Variants in TUSC3 observed in about 807,000 individuals in gnomAD.
The protein encoded by TUSC3 is tumor suppressor candidate 3.
TUSC3 carries 45 observed loss-of-function variants against 44.8 expected under a neutral mutation model. That is an observed-to-expected ratio of 1.00 (90% CI 0.79 to 1.29). The LOEUF (loss-of-function observed/expected upper bound fraction) is 1.29. TUSC3 is among the 50% of genes most tolerant of loss of function. The probability of loss-of-function intolerance (pLI) is 0.00; values close to 1 mark genes in which losing one functional copy is unlikely to be tolerated. For synonymous variants in TUSC3, 212 were observed against 152.9 expected (o/e 1.39, Z -2.85); for missense variants, 519 against 437.9 (o/e 1.19, Z -1.65).
rs113970020 is a variant in TUSC3, at chr8:15,420,354, C to T, written n.91+3049C>T. 2.1e-3 allele frequency among the ~76,000 whole-genome samples: 318 copies of T among 152,084 alleles called. 3 individuals are homozygous for T. The highest frequency in any genetic ancestry group is 7.3e-3 in the African/African-American group (303 of 41,478). The stretch of plus-strand genomic sequence containing the variant: ...TCTACTAAAAATAAAAAAAAATTAG[C>T]CGGGCATGGTGGCAGGCACCTGTAG... On this transcript the variant is annotated intron_variant and non_coding_transcript_variant, in intron 1 of 5. Transcript: ENST00000503191.
intron 1 of TUSC3, among the ~76,000 whole-genome samples, chr8:15,570,859 G>A (rs562939362): frequency 6.6e-6 from 1 of 151,226 alleles, no homozygotes; most frequent in African/African-American, 2.4e-5. Flanking sequence ...ATGTGGAAGT[G>A]CAGCATGAAG....
chr8:15,573,230 A>ATATG (rs1491232177), intron 1 of TUSC3, among the ~76,000 whole-genome samples: 1 of 106,134 alleles, frequency 9.4e-6, no homozygotes, highest in Non-Finnish European at 1.9e-5. Flanking sequence ...ATATATATAT[A>ATATG]AAAGTTTTTT....
chr8:15,451,311 A>G (rs1174657660), intron 1 of TUSC3, among the ~76,000 whole-genome samples: 1 of 152,066 alleles, frequency 6.6e-6, no homozygotes, highest in African/African-American at 2.4e-5. Flanking sequence ...TATGCTAATG[A>G]GGTGATTGTG....
At chr8:15,654,520 C>T (rs1242370445) in intron 3 of TUSC3, among the ~76,000 whole-genome samples, 1 of 152,104 alleles carries the variant, frequency 6.6e-6, no homozygotes, top group Non-Finnish European at 1.5e-5. Context: ...GATGTTTACA[C>T]TGCATTGCAG....
chr8:15,437,701 G>T (rs1799966936), intron 1 of TUSC3, among the ~76,000 whole-genome samples: 1 of 152,190 alleles, frequency 6.6e-6, no homozygotes, highest in Non-Finnish European at 1.5e-5. Context: ...ACTTGGCCCT[G>T]TATCCTTCCA....
At chr8:15,578,852 C>G (rs1391831279) in intron 1 of TUSC3, among the ~76,000 whole-genome samples, 5 of 151,922 alleles carry the variant, frequency 3.3e-5, no homozygotes, top group Non-Finnish European at 7.4e-5. Flanking sequence ...GGGAGGATTC[C>G]CTCTTTTTCT....
intron 2 of TUSC3, among the ~76,000 whole-genome samples, chr8:15,628,914 A>G (rs1223017537): frequency 1.3e-5 from 2 of 152,200 alleles, no homozygotes; most frequent in African/African-American, 2.4e-5. Context: ...GGAAATATGT[A>G]GCTATGGTTG....
chr8:15,805,607 TTC>T, the TUSC3 span, among the ~76,000 whole-genome samples: 5 of 152,174 alleles, frequency 3.3e-5, no homozygotes, highest in African/African-American at 1.2e-4. Flanking sequence ...TTGTTTTCAG[TTC>T]TGTTTATGTG....
At chr8:15,646,261 T>G (rs1025467134) in intron 2 of TUSC3, among the ~76,000 whole-genome samples, 1 of 152,112 alleles carries the variant, frequency 6.6e-6, no homozygotes, top group Non-Finnish European at 1.5e-5. Context: ...GGACATAGTA[T>G]GTTCGTGAAA....
chr8:15,483,649 A>ATTTTTTT (rs60092911), intron 2 of TUSC3, among the ~76,000 whole-genome samples: 7,624 of 65,870 alleles, frequency 0.12, 1,247 homozygotes, highest in East Asian at 0.26. Flanking sequence ...TAGCACTGTG[A>ATTTTTTT]TTTTTTTTTT....
chr8:15,740,743 A>C (rs1282753326), intron 7 of TUSC3, among the ~76,000 whole-genome samples: 1 of 152,188 alleles, frequency 6.6e-6, no homozygotes, highest in Non-Finnish European at 1.5e-5. Flanking sequence ...GAATTTGAAA[A>C]TACACTTACC....
the TUSC3 span, among the ~76,000 whole-genome samples, chr8:15,817,185 CTG>C: frequency 6.6e-6 from 1 of 152,110 alleles, no homozygotes; most frequent in African/African-American, 2.4e-5. Context: ...AGGTTTTTCT[CTG>C]TTATTTGAAA....
intron 1 of TUSC3, among the ~76,000 whole-genome samples, chr8:15,566,037 C>A (rs797020357): frequency 8.3e-4 from 127 of 152,242 alleles, no homozygotes; most frequent in African/African-American, 2.9e-3. Context: ...ACACCTGATT[C>A]AGAGTAGTAC....
At chr8:15,682,931 A>G (rs143313654) in intron 6 of TUSC3, among the ~76,000 whole-genome samples, 85 of 152,116 alleles carry the variant, frequency 5.6e-4, no homozygotes, top group African/African-American at 1.7e-3. Context: ...ATGAGATGCA[A>G]TTCTTGGTTG....
At chr8:15,443,846 C>G (rs1246793970) in intron 1 of TUSC3, among the ~76,000 whole-genome samples, 1 of 152,152 alleles carries the variant, frequency 6.6e-6, no homozygotes, top group Non-Finnish European at 1.5e-5. Context: ...GCTGGCACCA[C>G]CCAGACGGAT....
intron 6 of TUSC3, among the ~76,000 whole-genome samples, chr8:15,680,428 C>G (rs1039297144): frequency 2.6e-5 from 4 of 151,902 alleles, no homozygotes; most frequent in Non-Finnish European, 2.9e-5. Context: ...TTTAGAAATG[C>G]TACTAATTTT....
the TUSC3 span, among the ~76,000 whole-genome samples, chr8:15,805,850 C>T: frequency 6.6e-6 from 1 of 152,076 alleles, no homozygotes; most frequent in Non-Finnish European, 1.5e-5. Flanking sequence ...AGGAGTCCCT[C>T]CTCCTAGATT....
chr8:15,827,616 T>C, the TUSC3 span, among the ~76,000 whole-genome samples: 2 of 152,190 alleles, frequency 1.3e-5, no homozygotes, highest in Non-Finnish European at 2.9e-5. Flanking sequence ...CTCATGATTT[T>C]AAGAATAATT....
chr8:15,585,780 G>A (rs1290544003), intron 1 of TUSC3, among the ~76,000 whole-genome samples: 1 of 152,134 alleles, frequency 6.6e-6, no homozygotes, highest in Non-Finnish European at 1.5e-5. Flanking sequence ...CTCAGTGTCT[G>A]TGCCTGCAGA....
Sources: allele counts gnomAD v4.1 joint callset (sites outside exome capture counted in the v4.1 genomes callset), GRCh38; gene constraint gnomAD v4.1.1; transcripts MANE v1.5; gene names NCBI Gene and HGNC (gene_info 2026-07-23, HGNC 2026-07-21).